Variants in TCF7L1 observed in about 807,000 individuals in gnomAD.
TCF7L1 encodes the protein transcription factor 7 like 1.
TCF7L1 carries 18 observed loss-of-function variants against 63.7 expected under a neutral mutation model. The observed-to-expected ratio is 0.28, with a 90% CI of 0.20 to 0.42. TCF7L1 has a LOEUF of 0.42. TCF7L1 is among the 10% of genes least tolerant of loss of function. The pLI is 1.00. For synonymous variants in TCF7L1, 355 were observed against 340.9 expected (o/e 1.04, Z -0.46); for missense variants, 654 against 779.3 (o/e 0.84, Z 1.91).
intron 3 of TCF7L1, among the ~76,000 whole-genome samples, chr2:85,137,011 G>A (rs975438337): frequency 6.6e-6 from 1 of 152,090 alleles, no homozygotes; most frequent in African/African-American, 2.4e-5. Flanking sequence ...TGGGATATAT[G>A]ATCCGATCTC....
intron 3 of TCF7L1, among the ~76,000 whole-genome samples, chr2:85,159,847 G>A (rs758559053): frequency 7.9e-5 from 12 of 152,240 alleles, no homozygotes; most frequent in South Asian, 6.2e-4. Flanking sequence ...TGGCTTTCTC[G>A]TGTGCCAGGG....
At chr2:85,199,647 A>G (rs1679229419) in intron 3 of TCF7L1, among the ~76,000 whole-genome samples, 1 of 152,234 alleles carries the variant, frequency 6.6e-6, no homozygotes, top group Non-Finnish European at 1.5e-5. Flanking sequence ...ATGGGCTGCC[A>G]GGGTTGGGAG....
chr2:85,309,528 A>C lies in TCF7L1; in HGVS notation c.*66A>C. The C allele has an allele frequency of 2.0e-6, 3 of 1,486,102 alleles. No homozygotes were observed. The South Asian group carries it at 4.1e-5, about 20-fold the overall frequency. The allele number at this position is 1,486,102 out of a possible 1,614,324, so 92.1% of individuals were successfully genotyped here. ...GTAGTAATGATTCAGAAGAAAAAGA[A>C]AAAGGAGACTTTATTGGTCAATATT... On this transcript the variant is annotated 3_prime_UTR_variant, in exon 12 of 12. Transcript: ENST00000282111.
At chr2:85,254,511 A>G (rs552394675) in intron 3 of TCF7L1, among the ~76,000 whole-genome samples, 41 of 152,218 alleles carry the variant, frequency 2.7e-4, no homozygotes, top group Non-Finnish European at 5.0e-4. Flanking sequence ...CTTGCAATTA[A>G]TCTGTACTGT....
chr2:85,309,174 T>C lies in TCF7L1; in HGVS notation c.1479T>C (p.Ala493=), dbSNP rs1260591973. The C allele has an allele frequency of 2.5e-6, 4 of 1,613,506 alleles. No homozygotes were observed. The African/African-American group carries it at 4.0e-5, about 16-fold the overall frequency. ...CTTTGGCCTCACCAGCTGCCCCTGCTGCCACCCATTCGGAGCAAGCCCAGC... is the reference window on the plus strand; with the variant it reads ...CTTTGGCCTCACCAGCTGCCCCTGCCGCCACCCATTCGGAGCAAGCCCAGC... ...SAALASPAAP[A]ATHSEQAQPL... Residue 493 remains alanine (A), a synonymous_variant, in exon 12 of 12, where the codon GCT becomes GCC. Transcript: ENST00000282111.
intron 3 of TCF7L1, among the ~76,000 whole-genome samples, chr2:85,136,961 G>A (rs1402967704): frequency 6.6e-6 from 1 of 152,120 alleles, no homozygotes; most frequent in Non-Finnish European, 1.5e-5. Context: ...AAATGAATGT[G>A]GATAGATACG....
chr2:85,245,769 C>T (rs548877781), intron 3 of TCF7L1, among the ~76,000 whole-genome samples: 6 of 151,256 alleles, frequency 4.0e-5, no homozygotes, highest in Non-Finnish European at 7.4e-5. Context: ...GAGCCGAGAT[C>T]GCACCACTGC....
At chr2:85,274,344 G>C (rs10201753) in intron 3 of TCF7L1, among the ~76,000 whole-genome samples, 39,170 of 152,136 alleles carry the variant, frequency 0.26, 5,539 homozygotes, top group East Asian at 0.56. Context: ...TCTGTCCCGG[G>C]GTCCCCCTGG....
intron 3 of TCF7L1, among the ~76,000 whole-genome samples, chr2:85,145,806 A>G (rs572050130): frequency 5.2e-5 from 8 of 152,388 alleles, no homozygotes; most frequent in Admixed American, 4.6e-4. Context: ...GTACACAGCC[A>G]GCAGTGCTCC....
At chr2:85,220,204 A>G (rs1679810526) in intron 3 of TCF7L1, among the ~76,000 whole-genome samples, 2 of 152,296 alleles carry the variant, frequency 1.3e-5, no homozygotes, top group Non-Finnish European at 2.9e-5. Flanking sequence ...GAGGGCAGAT[A>G]AATGAATGAC....
At chr2:85,141,083 C>T (rs2104186745) in intron 3 of TCF7L1, among the ~76,000 whole-genome samples, 1 of 152,116 alleles carries the variant, frequency 6.6e-6, no homozygotes, top group East Asian at 1.9e-4. Context: ...GCCAGAAGTT[C>T]AAGACCAGCC....
chr2:85,211,742 C>T (rs1011732483), intron 3 of TCF7L1, among the ~76,000 whole-genome samples: 3 of 152,134 alleles, frequency 2.0e-5, no homozygotes, highest in Admixed American at 6.5e-5. Flanking sequence ...TCCCTTGTAG[C>T]TGTGATTTGG....
At chr2:85,307,039 A>T (rs1173913208) in intron 10 of TCF7L1, among the ~76,000 whole-genome samples, 2 of 152,162 alleles carry the variant, frequency 1.3e-5, no homozygotes, top group Admixed American at 6.5e-5. Context: ...AGGTGTTTTA[A>T]TTCTCAGGAG....
chr2:85,213,443 A>G (rs1022309277), intron 3 of TCF7L1, among the ~76,000 whole-genome samples: 2 of 152,120 alleles, frequency 1.3e-5, no homozygotes, highest in East Asian at 1.9e-4. Flanking sequence ...GAGGAATCCT[A>G]TGCCCCAGTG....
chr2:85,241,431 G>GTTTTTTTTTTT lies in TCF7L1; in HGVS notation c.442-42059_442-42058insTTTTTTTTTTT, dbSNP rs1273488175. Among the ~76,000 whole-genome samples, 80 of 68,754 alleles carry GTTTTTTTTTTT rather than the reference G, an allele frequency of 1.2e-3. 9 individuals are homozygous for GTTTTTTTTTTT. Among genetic ancestry groups the GTTTTTTTTTTT allele is most frequent in the African/African-American group, 4.1e-3 (79 of 19,222 alleles). The allele number at this position is 68,754 out of a possible 152,430, so 45.1% of individuals were successfully genotyped here. A position where few individuals can be genotyped will look rare whatever the true frequency, so the allele number is the denominator to read the frequency against. ...TGATCCAGAGGACTGGATGCACTTT[G>GTTTTTTTTTTT]TTTTTGTTTTTTTTTTTTTTTTTTT... On this transcript the variant is annotated intron_variant, in intron 3 of 11. Transcript: ENST00000282111.
At position 85,247,123 on chromosome 2, in the gene TCF7L1, T is replaced by C. The variant is rs115913590; in HGVS notation, c.442-36372T>C. On this transcript the variant is annotated intron_variant, in intron 3 of 11. Transcript: ENST00000282111. ...TGCAGGTGCTTGAGCAAGTACACCA[T>C]GCTAGTGAGCAGTTCAACAGAATCC... is the stretch of plus-strand genomic sequence containing the variant. Among the ~76,000 whole-genome samples the C allele has an allele frequency of 2.6e-3, 391 of 152,350 alleles. 2 individuals carry two copies. Among genetic ancestry groups the C allele is most frequent in the African/African-American group, 8.9e-3 (368 of 41,566 alleles).
chr2:85,284,450 G>A (rs964897171), intron 4 of TCF7L1, among the ~76,000 whole-genome samples: 7 of 152,222 alleles, frequency 4.6e-5, no homozygotes, highest in African/African-American at 1.7e-4. Context: ...ACAATCCTGG[G>A]AGACAGGAGC....
chr2:85,286,893 G>A (rs986151519), intron 4 of TCF7L1, among the ~76,000 whole-genome samples: 1 of 152,166 alleles, frequency 6.6e-6, no homozygotes, highest in Non-Finnish European at 1.5e-5. Context: ...AGCCATGATT[G>A]TGCCACTGCA....
At chr2:85,283,353 A>G in intron 3 of TCF7L1, 142 bp from the exon 4 acceptor site, 1 of 761,654 alleles carries the variant, frequency 1.3e-6, no homozygotes, top group Non-Finnish European at 2.3e-6. Context: ...TTGGAAATTG[A>G]CCCAGTACAG....
Sources: gnomAD v4.1 joint callset for allele counts (sites outside exome capture counted in the v4.1 genomes callset) on GRCh38, gnomAD v4.1.1 for gene constraint, MANE v1.5 for transcripts, NCBI Gene and HGNC (gene_info 2026-07-23, HGNC 2026-07-21) for gene names.